Variants in RNF17 observed in about 807,000 individuals in gnomAD.
RNF17 encodes spermatogenesis associated 23.
Under a neutral mutation model 200.5 loss-of-function variants are expected in RNF17, and 31 were observed. The ratio of observed to expected loss-of-function variants is 0.15; its 90% CI spans 0.12 to 0.21. The LOEUF (loss-of-function observed/expected upper bound fraction) is 0.21. RNF17 is among the 10% of genes least tolerant of loss of function. The pLI is 1.00. For synonymous variants in RNF17, 606 were observed against 637.8 expected, an observed-to-expected ratio of 0.95 and a Z score of 0.75; for missense variants, 1,628 against 1,905.1, an observed-to-expected ratio of 0.85 and a Z score of 2.71.
chr13:24,779,658 CCTT>C lies in RNF17; in HGVS notation c.430-5_430-3del. On this transcript the variant is annotated splice_polypyrimidine_tract_variant and splice_region_variant and intron_variant, in intron 4 of 35. Transcript: ENST00000255324. ...TTTATATTTGTATGTGATTTCCCTCCCTTCTTAGGACACTAATACTGCAGAAGA... is the reference window on the plus strand; with the variant it reads ...TTTATATTTGTATGTGATTTCCCTCCCTTAGGACACTAATACTGCAGAAGA... 6.3e-7 allele frequency: 1 copy of C among 1,599,340 alleles called. No individual in the cohort carries two copies.
At chr13:24,841,823 G>T (rs1023764875) in intron 18 of RNF17, among the ~76,000 whole-genome samples, 1 of 152,042 alleles carries the variant, frequency 6.6e-6, no homozygotes, top group Non-Finnish European at 1.5e-5. Flanking sequence ...TTAGCCGGGC[G>T]TGGTGGCGCG....
chr13:24,800,871 T>C (rs1388267403), intron 13 of RNF17, among the ~76,000 whole-genome samples: 1 of 152,212 alleles, frequency 6.6e-6, no homozygotes, highest in African/African-American at 2.4e-5. Flanking sequence ...TGCCCTTTAT[T>C]ATTCTATTTA....
intron 18 of RNF17, among the ~76,000 whole-genome samples, chr13:24,838,944 T>C (rs1277469503): frequency 6.6e-6 from 1 of 152,138 alleles, no homozygotes; most frequent in East Asian, 1.9e-4. Flanking sequence ...TCCAGAAGGC[T>C]CCTAGAACTG....
chr13:24,864,779 T>C (rs1593469596), intron 28 of RNF17, 94 bp from the exon 29 acceptor site: 2 of 930,538 alleles, frequency 2.1e-6, no homozygotes, highest in East Asian at 2.5e-5. Context: ...GTTAATACTA[T>C]GATTGTCAGA....
intron 15 of RNF17, among the ~76,000 whole-genome samples, chr13:24,825,417 C>CT (rs1353955598): frequency 6.6e-6 from 1 of 152,070 alleles, no homozygotes; most frequent in Non-Finnish European, 1.5e-5. Context: ...CAGAATGTGA[C>CT]TTTATTTTTA....
chr13:24,769,375 G>T (rs1005944143), intron 2 of RNF17, among the ~76,000 whole-genome samples: 2 of 152,094 alleles, frequency 1.3e-5, no homozygotes, highest in African/African-American at 4.8e-5. Flanking sequence ...AACTTTTAGA[G>T]ATAAGTGACC....
At chr13:24,780,295 TAGA>T (rs1404730000) in intron 5 of RNF17, among the ~76,000 whole-genome samples, 1 of 151,872 alleles carries the variant, frequency 6.6e-6, no homozygotes, top group Admixed American at 6.6e-5. Flanking sequence ...ATAAAAGTAA[TAGA>T]AGAGTTATGA....
chr13:24,853,604 A>G (rs1892167051), intron 24 of RNF17, among the ~76,000 whole-genome samples: 1 of 152,196 alleles, frequency 6.6e-6, no homozygotes, highest in African/African-American at 2.4e-5. Flanking sequence ...AGATATACAT[A>G]TGAAATTTTA....
rs1555269396 is a variant in RNF17, at chr13:24,797,734, G to GTGTA, written c.1399+1442_1399+1443insATGT. ...TGTGTGTGTGTGTGTGTGTGTGTGT[G>GTGTA]TGTGTGTGTGTTTACCCTGCAATGG... On this transcript the variant is annotated intron_variant, in intron 11 of 35. Transcript: ENST00000255324. Among the ~76,000 whole-genome samples, 497 of 150,496 alleles carry GTGTA rather than the reference G, an allele frequency of 3.3e-3. 3 individuals are homozygous for GTGTA. The Middle Eastern group carries it at 0.034, about 10-fold the overall frequency.
At chr13:24,781,994 AACTT>A in intron 6 of RNF17, 50 bp downstream of exon 6, 1 of 1,139,580 alleles carries the variant, frequency 8.8e-7, no homozygotes, top group Non-Finnish European at 1.3e-6. Flanking sequence ...TTCTAACACT[AACTT>A]GTCATTGTAT....
chr13:24,751,355 G>T, the RNF17 span: 1 of 150,402 alleles, frequency 6.6e-6, no homozygotes, highest in African/African-American at 2.4e-5. Context: ...TCAACCTGTG[G>T]TTATTTATTT....
chr13:24,758,634 A>G, the RNF17 span, among the ~76,000 whole-genome samples: 1 of 152,298 alleles, frequency 6.6e-6, no homozygotes, highest in South Asian at 2.1e-4. Flanking sequence ...AAATTTTAGT[A>G]CCATTGCATA....
chr13:24,789,955 A>T (rs538886509), intron 9 of RNF17, among the ~76,000 whole-genome samples, 183 bp downstream of exon 9: 2 of 152,282 alleles, frequency 1.3e-5, no homozygotes, highest in South Asian at 4.1e-4. Flanking sequence ...AGTATTCAGC[A>T]ATATACATGT....
chr13:24,800,455 C>T lies in RNF17; in HGVS notation c.1679C>T (p.Pro560Leu). 6.2e-7 allele frequency: 1 copy of T among 1,613,334 alleles called. No individual in the cohort carries two copies. Among genetic ancestry groups the T allele is most frequent in the Middle Eastern group, 1.7e-4 (1 of 6,056 alleles). The change falls in exon 13 of 36, where the codon CCA becomes CTA. Residue 560 changes from proline (P) to leucine (L), a missense_variant. Coordinates refer to ENST00000255324, the MANE Select transcript of RNF17 (RefSeq NM_031277.3). The part of the protein sequence containing the change: ...DLCLVLRKSE[P>L]YTEGLLKDIQ... Reference sequence around the variant, plus strand: ...TGTCTGGTTCTAAGGAAATCTGAACCATATACTGAAGGGCTGCTAAAAGAC... The same window carrying T: ...TGTCTGGTTCTAAGGAAATCTGAACTATATACTGAAGGGCTGCTAAAAGAC...
intron 6 of RNF17, among the ~76,000 whole-genome samples, chr13:24,786,607 G>A (rs972436735): frequency 2.6e-5 from 4 of 152,036 alleles, no homozygotes; most frequent in Non-Finnish European, 5.9e-5. Flanking sequence ...AACTCCCTCA[G>A]CTTTTGTTTA....
chr13:24,859,189 A>C (rs372931894), intron 26 of RNF17, 25 bp downstream of exon 26: 20 of 1,545,944 alleles, frequency 1.3e-5, no homozygotes, highest in Non-Finnish European at 1.7e-5. Context: ...CTTTTGTGAC[A>C]ATTCTAAAGC....
chr13:24,825,841 C>A, intron 16 of RNF17, 69 bp downstream of exon 16: 1 of 1,491,192 alleles, frequency 6.7e-7, no homozygotes, highest in South Asian at 1.3e-5. Flanking sequence ...TGAGTTGGTA[C>A]CAATTCAATC....
intron 15 of RNF17, among the ~76,000 whole-genome samples, chr13:24,811,556 A>G (rs1416139167): frequency 6.6e-6 from 1 of 151,864 alleles, no homozygotes; most frequent in Non-Finnish European, 1.5e-5. Flanking sequence ...AATTTTTTTC[A>G]AAGTTTTCAA....
intron 2 of RNF17, among the ~76,000 whole-genome samples, chr13:24,771,709 G>GT (rs1032728653): frequency 2.8e-5 from 4 of 145,074 alleles, no homozygotes; most frequent in Non-Finnish European, 6.0e-5. Context: ...CAATACTTAC[G>GT]TTTTTTTAAA....
Sources: allele counts gnomAD v4.1 joint callset (sites outside exome capture counted in the v4.1 genomes callset), GRCh38; gene constraint gnomAD v4.1.1; transcripts MANE v1.5; gene names NCBI Gene and HGNC (gene_info 2026-07-23, HGNC 2026-07-21).